The following CC2D2A variants were observed in gnomAD, a reference collection of about 807,000 sequenced individuals.
The protein encoded by CC2D2A is coiled-coil and C2 domain containing 2A.
Under a neutral mutation model 212.9 loss-of-function variants are expected in CC2D2A, and 155 were observed. The ratio of observed to expected loss-of-function variants is 0.73; its 90% confidence interval spans 0.64 to 0.83. The LOEUF (loss-of-function observed/expected upper bound fraction) is 0.83. Among genes scored for constraint, CC2D2A ranks in the 40% least tolerant of loss-of-function variants. The probability of loss-of-function intolerance (pLI) is 0.00; values close to 1 mark genes in which losing one functional copy is unlikely to be tolerated. For synonymous variants in CC2D2A, 667 were observed against 686.5 expected, an observed-to-expected ratio of 0.97 and a Z score of 0.44; for missense variants, 1,856 against 1,956.2, an observed-to-expected ratio of 0.95 and a Z score of 0.97.
intron 2 of CC2D2A, among the ~76,000 whole-genome samples, chr4:15,477,163 G>A (rs1259216086): frequency 1.3e-5 from 2 of 151,990 alleles, no homozygotes; most frequent in African/African-American, 2.4e-5. Flanking sequence ...TTAGTCAGGC[G>A]TGGTGAGGCA....
chr4:15,560,785 T>C (rs1047596407), intron 23 of CC2D2A, among the ~76,000 whole-genome samples, 163 bp downstream of exon 23: 11 of 152,164 alleles, frequency 7.2e-5, no homozygotes, highest in African/African-American at 2.7e-4. Flanking sequence ...ATGACATTAG[T>C]TGAGGGATTT....
chr4:15,510,183 A>C lies in CC2D2A; in HGVS notation c.483A>C (p.Gln161His). 2 of 1,613,778 alleles carry C rather than the reference A, an allele frequency of 1.2e-6. No individual in the cohort carries two copies. The highest frequency in any genetic ancestry group is 1.7e-6 in the Non-Finnish European group (2 of 1,179,798). Residue 161 changes from glutamine to histidine, a missense_variant, in exon 7 of 37, where the codon CAA becomes CAC. Transcript: ENST00000424120. ...GGACTCAACAAGAAGTTGACTCCCAAAGTTACTCAAGAGTCAAGTTCCATG... is the reference window on the plus strand; with the variant it reads ...GGACTCAACAAGAAGTTGACTCCCACAGTTACTCAAGAGTCAAGTTCCATG... Reference protein sequence around the residue: ...VERTQQEVDSQSYSRVKFHDS... With the variant: ...VERTQQEVDSHSYSRVKFHDS...
At chr4:15,576,353 A>G in intron 29 of CC2D2A, 1 of 983,942 alleles carries the variant, frequency 1.0e-6, no homozygotes, top group South Asian at 4.7e-5. Context: ...TTGTTTTTCC[A>G]CTTACAGCAA....
intron 7 of CC2D2A, 131 bp from the exon 8 acceptor site, chr4:15,511,116 C>A: frequency 1.9e-6 from 2 of 1,034,978 alleles, no homozygotes; most frequent in South Asian, 1.9e-5. Flanking sequence ...ACACCTTTAA[C>A]TAAGACAATA....
intron 6 of CC2D2A, among the ~76,000 whole-genome samples, chr4:15,506,160 T>C (rs1716244311): frequency 6.6e-6 from 1 of 152,222 alleles, no homozygotes; most frequent in Non-Finnish European, 1.5e-5. Flanking sequence ...TTTAAGATTA[T>C]ACAAATGTAT....
chr4:15,513,176 T>C (rs756183164), intron 8 of CC2D2A, among the ~76,000 whole-genome samples: 58 of 152,354 alleles, frequency 3.8e-4, no homozygotes, highest in Non-Finnish European at 6.3e-4. Flanking sequence ...ACAATCATTC[T>C]ACAAATCAGC....
Position 15,574,226 on chromosome 4 carries a change from G to A in CC2D2A, c.3671G>A (p.Arg1224Gln), listed in dbSNP as rs892274416. Residue 1224 changes from arginine to glutamine, a missense_variant, in exon 29 of 37, where the codon CGG becomes CAG. Physicochemically the swap from Arg to Gln is conservative, Grantham distance 43. This residue lies in a region of CC2D2A where 1,512 missense variants were observed against 1,579.3 expected (regional missense o/e 0.96). Transcript: ENST00000424120. Reference protein sequence around the residue: ...YSKERNMILERGFDSVRSLSE... With the variant: ...YSKERNMILEQGFDSVRSLSE... ...AAGGAGCGAAATATGATTCTTGAGC[G>A]GGGTTTTGATTCTGTCCGAAGCTTA... 1.2e-5 allele frequency: 18 copies of A among 1,551,282 alleles called. No homozygotes were observed. The highest frequency in any genetic ancestry group is 1.7e-4 in the Middle Eastern group (1 of 6,002).
At chr4:15,567,907 G>A in intron 26 of CC2D2A, 121 bp downstream of exon 26, 2 of 666,898 alleles carry the variant, frequency 3.0e-6, no homozygotes, top group Non-Finnish European at 5.0e-6. Context: ...ACAAGATCCA[G>A]GTGTCCTGAC....
intron 14 of CC2D2A, among the ~76,000 whole-genome samples, chr4:15,535,614 TA>T (rs1275372046): frequency 6.6e-6 from 1 of 152,094 alleles, no homozygotes; most frequent in East Asian, 1.9e-4. Context: ...AGATGGAACA[TA>T]ATTTTGAAGC....
At chr4:15,562,737 A>G (rs974993700) in intron 23 of CC2D2A, among the ~76,000 whole-genome samples, 9 of 152,368 alleles carry the variant, frequency 5.9e-5, no homozygotes, top group Non-Finnish European at 7.3e-5. Context: ...CAGAGACTTA[A>G]AGAGGTGAAA....
At chr4:15,532,173 G>C (rs1326129483) in intron 13 of CC2D2A, among the ~76,000 whole-genome samples, 3 of 152,184 alleles carry the variant, frequency 2.0e-5, no homozygotes, top group African/African-American at 7.2e-5. Context: ...GGTCCTCAAA[G>C]AGAATATTTC....
At chr4:15,547,171 T>A (rs192835238) in intron 17 of CC2D2A, among the ~76,000 whole-genome samples, 76 of 152,350 alleles carry the variant, frequency 5.0e-4, no homozygotes, top group African/African-American at 1.8e-3. Flanking sequence ...TGTGATTTTT[T>A]AAACTTTTTT....
chr4:15,577,051 TG>T (rs1473804611), intron 29 of CC2D2A, among the ~76,000 whole-genome samples: 2 of 152,218 alleles, frequency 1.3e-5, no homozygotes, highest in Non-Finnish European at 2.9e-5. Flanking sequence ...TGGAGTGCAG[TG>T]GTGCCATCAC....
At chr4:15,487,252 A>G (rs1715048474) in intron 4 of CC2D2A, among the ~76,000 whole-genome samples, 1 of 152,110 alleles carries the variant, frequency 6.6e-6, no homozygotes, top group Non-Finnish European at 1.5e-5. Flanking sequence ...AAGATCCTCA[A>G]CTATTATTAA....
At chr4:15,529,760 C>G (rs1717721407) in intron 13 of CC2D2A, among the ~76,000 whole-genome samples, 2 of 148,510 alleles carry the variant, frequency 1.3e-5, no homozygotes, top group African/African-American at 4.9e-5. Context: ...TATTTGTGTA[C>G]CTGTATGAGT....
chr4:15,500,274 C>T (rs1316577567), intron 4 of CC2D2A, among the ~76,000 whole-genome samples: 3 of 151,990 alleles, frequency 2.0e-5, no homozygotes, highest in African/African-American at 7.3e-5. Flanking sequence ...ATTGGACCAC[C>T]TTTGTATATG....
In CC2D2A at chr4:15,514,742, G is replaced by C. The variant is rs753882732; in HGVS notation, c.753G>C (p.Glu251Asp). 2 of 1,603,762 alleles carry C rather than the reference G, an allele frequency of 1.2e-6. No homozygotes were observed. The highest frequency in any genetic ancestry group is 1.7e-6 in the Non-Finnish European group (2 of 1,172,468). Residue 251 changes from glutamate (E) to aspartate (D), a missense_variant, in exon 9 of 37, where the codon GAG becomes GAC. Physicochemically the swap from Glu to Asp is conservative, Grantham distance 45. Transcript: ENST00000424120. Reference protein sequence around the residue: ...EEELLNGDDAEDFLLGLDHVA... With the variant: ...EEELLNGDDADDFLLGLDHVA... ...AACTGCTTAATGGTGATGATGCCGA[G>C]GACTTCCTATTGGGCTTAGATCACG... is the stretch of plus-strand genomic sequence containing the variant.
rs1192783665 is a variant in CC2D2A, at chr4:15,569,330, T to C, written c.3436T>C (p.Ser1146Pro). The change falls in exon 27 of 37, where the codon TCA becomes CCA. Residue 1146 changes from serine (S) to proline (P), a missense_variant. Physicochemically the swap from Ser to Pro is moderately conservative, Grantham distance 74 (BLOSUM62 -1). This residue lies in a region of CC2D2A where 1,512 missense variants were observed against 1,579.3 expected (regional missense o/e 0.96). Coordinates refer to ENST00000424120, the MANE Select transcript of CC2D2A (RefSeq NM_001378615.1). Reference sequence around the variant, plus strand: ...AGATTATAGCACAGCCAGTCTGCAGTCAGTGAAAGATGTTGTGTTCATTAA... The same window carrying C: ...AGATTATAGCACAGCCAGTCTGCAGCCAGTGAAAGATGTTGTGTTCATTAA... ...NGDYSTASLQ[S>P]VKDVVFINIF... 6.3e-7 allele frequency: 1 copy of C among 1,584,110 alleles called. No homozygotes were observed.
chr4:15,576,448 C>T, intron 29 of CC2D2A: 2 of 839,856 alleles, frequency 2.4e-6, no homozygotes, highest in Non-Finnish European at 2.9e-6. Context: ...AACATATTTA[C>T]CAATGGAAAA....
Sources: allele counts gnomAD v4.1 joint callset (sites outside exome capture counted in the v4.1 genomes callset), GRCh38; gene constraint gnomAD v4.1.1; regional missense constraint gnomAD v4.1.1; transcripts MANE v1.5; gene names NCBI Gene and HGNC (gene_info 2026-07-23, HGNC 2026-07-21).